Variants in NBAS observed in about 807,000 individuals in gnomAD.
NBAS encodes the protein NAG/BC035112 fusion.
Under a neutral mutation model 302.5 loss-of-function variants are expected in NBAS, and 219 were observed. That is an observed-to-expected ratio of 0.72 (90% CI 0.65 to 0.81). The LOEUF is 0.81. NBAS is among the 30% of genes least tolerant of loss of function. The probability of loss-of-function intolerance (pLI) is 0.00; values close to 1 mark genes in which losing one functional copy is unlikely to be tolerated. For synonymous variants in NBAS, 1,118 were observed against 1,021.6 expected, an observed-to-expected ratio of 1.09 and a Z score of -1.80; for missense variants, 2,932 against 2,841.6, an observed-to-expected ratio of 1.03 and a Z score of -0.72.
chr2:14,851,287 G>A, the NBAS span, among the ~76,000 whole-genome samples: 1 of 148,304 alleles, frequency 6.7e-6, no homozygotes, highest in Non-Finnish European at 1.5e-5. Flanking sequence ...TACCATCAGA[G>A]AATACTACAA....
At chr2:14,781,671 G>A in the NBAS span, among the ~76,000 whole-genome samples, 2 of 150,190 alleles carry the variant, frequency 1.3e-5, no homozygotes, top group Non-Finnish European at 2.9e-5. Flanking sequence ...CTCATTATAT[G>A]TCCCTGAGAC....
the NBAS span, among the ~76,000 whole-genome samples, chr2:15,135,395 C>A: frequency 6.6e-6 from 1 of 152,182 alleles, no homozygotes; most frequent in Non-Finnish European, 1.5e-5. Flanking sequence ...TTGGGTGGTG[C>A]AGTCTTGGCA....
chr2:15,113,172 T>C, the NBAS span, among the ~76,000 whole-genome samples: 1 of 152,126 alleles, frequency 6.6e-6, no homozygotes, highest in African/African-American at 2.4e-5. Context: ...ATATTCCAAT[T>C]CTATTCATCC....
chr2:15,444,124 G>T (rs531697447), intron 21 of NBAS, among the ~76,000 whole-genome samples: 36 of 151,878 alleles, frequency 2.4e-4, no homozygotes, highest in African/African-American at 8.7e-4. Flanking sequence ...AGCTACCAAT[G>T]ACTTTCTTCA....
chr2:14,879,718 G>A, the NBAS span, among the ~76,000 whole-genome samples: 1 of 152,226 alleles, frequency 6.6e-6, no homozygotes, highest in East Asian at 1.9e-4. Flanking sequence ...AGAACACTAT[G>A]CTACAAACTT....
chr2:15,288,182 A>G (rs764474064), intron 41 of NBAS, among the ~76,000 whole-genome samples: 1 of 152,266 alleles, frequency 6.6e-6, no homozygotes, highest in Non-Finnish European at 1.5e-5. Context: ...GTCACTTAAC[A>G]AACTTCTATG....
chr2:15,440,338 A>C (rs770881661), intron 21 of NBAS, among the ~76,000 whole-genome samples: 6 of 152,214 alleles, frequency 3.9e-5, no homozygotes, highest in Admixed American at 1.3e-4. Context: ...AGACAGCAGC[A>C]TTCGCGGTTC....
chr2:15,485,508 T>C (rs1680586800), intron 12 of NBAS, among the ~76,000 whole-genome samples: 1 of 152,226 alleles, frequency 6.6e-6, no homozygotes, highest in Admixed American at 6.5e-5. Flanking sequence ...GGAAAGAACA[T>C]ATGCATCAGT....
At chr2:15,151,158 A>C in the NBAS span, among the ~76,000 whole-genome samples, 2 of 152,206 alleles carry the variant, frequency 1.3e-5, no homozygotes, top group South Asian at 4.1e-4. Context: ...GTGCCCTTCC[A>C]GGATATATTT....
intron 47 of NBAS, among the ~76,000 whole-genome samples, chr2:15,231,077 C>T (rs1461933897): frequency 6.6e-6 from 1 of 152,204 alleles, no homozygotes; most frequent in Non-Finnish European, 1.5e-5. Flanking sequence ...GATCGTCTCC[C>T]GCGCAAGACT....
chr2:15,497,116 G>C lies in NBAS; in HGVS notation c.954+7029C>G, dbSNP rs2287261. The stretch of plus-strand genomic sequence containing the variant: ...TGAGATAAGGCCAACATAACTAAAA[G>C]AGAATGAGCCAGTGGCATGAGATCA... On this transcript the variant is annotated intron_variant, in intron 11 of 51. Coordinates refer to ENST00000281513, the MANE Select transcript of NBAS (RefSeq NM_015909.4). Among the ~76,000 whole-genome samples, 564 of 152,250 alleles carry C rather than the reference G, an allele frequency of 3.7e-3. 14 individuals carry two copies. In the East Asian group the frequency reaches 0.051, roughly 14 times the overall value.
the NBAS span, among the ~76,000 whole-genome samples, chr2:14,820,536 A>G: frequency 6.6e-6 from 1 of 152,214 alleles, no homozygotes; most frequent in Non-Finnish European, 1.5e-5. Context: ...CACAGGGGTT[A>G]GTGGGGAGGT....
At chr2:15,188,306 CT>C (rs1665182508) in intron 49 of NBAS, among the ~76,000 whole-genome samples, 1 of 152,154 alleles carries the variant, frequency 6.6e-6, no homozygotes, top group Non-Finnish European at 1.5e-5. Flanking sequence ...AAGTTGTAAC[CT>C]TTTTGTGTTG....
At chr2:15,133,355 T>C in the NBAS span, among the ~76,000 whole-genome samples, 1 of 152,156 alleles carries the variant, frequency 6.6e-6, no homozygotes, top group East Asian at 1.9e-4. Flanking sequence ...GAAGAAAGGC[T>C]TCCTGCAGCA....
At position 15,234,603 on chromosome 2, in the gene NBAS, C is replaced by T. The variant is rs777142694; in HGVS notation, c.6088G>A (p.Asp2030Asn). 4 of 1,614,100 alleles carry T rather than the reference C, an allele frequency of 2.5e-6. No homozygotes were observed. Among genetic ancestry groups the T allele is most frequent in the Non-Finnish European group, 3.4e-6 (4 of 1,180,002 alleles). Residue 2030 changes from aspartate to asparagine, a missense_variant, in exon 46 of 52, where the codon GAC (aspartate) becomes AAC (asparagine). Transcript: ENST00000281513. Reference protein sequence around the residue: ...QLLEVAVGPLDISPKDIVQSA... With the variant: ...QLLEVAVGPLNISPKDIVQSA... ...TGCACTATATCCTTGGGTGAGATGT[C>T]AAGAGGGCCAACTGCCACCTCTAGC...
chr2:14,983,467 C>T, the NBAS span, among the ~76,000 whole-genome samples: 9 of 152,156 alleles, frequency 5.9e-5, no homozygotes, highest in Non-Finnish European at 1.3e-4. Flanking sequence ...TACCTTGTCT[C>T]ACAGGGCGGC....
At chr2:14,812,858 G>T in the NBAS span, among the ~76,000 whole-genome samples, 1 of 152,102 alleles carries the variant, frequency 6.6e-6, no homozygotes, top group African/African-American at 2.4e-5. Context: ...TTGGAGGTGG[G>T]GTCTGGTGGG....
At chr2:15,308,126 C>A in intron 40 of NBAS, 90 bp downstream of exon 40, 1 of 1,574,872 alleles carries the variant, frequency 6.3e-7, no homozygotes, top group South Asian at 1.1e-5. Context: ...CATATGTAAT[C>A]AGTTCCTCCA....
intron 21 of NBAS, among the ~76,000 whole-genome samples, chr2:15,444,914 T>C (rs1678643063): frequency 1.3e-5 from 2 of 151,228 alleles, no homozygotes; most frequent in Admixed American, 6.6e-5. Context: ...ATGCTCACCA[T>C]CACTGGCCAT....
Sources: allele counts gnomAD v4.1 joint callset (sites outside exome capture counted in the v4.1 genomes callset), GRCh38; gene constraint gnomAD v4.1.1; transcripts MANE v1.5; gene names NCBI Gene and HGNC (gene_info 2026-07-23, HGNC 2026-07-21).